The following GMDS variants were observed in gnomAD, a reference collection of about 807,000 sequenced individuals.
The protein encoded by GMDS is GDP-mannose 4,6-dehydratase, also known as GDP-mannose 4,6 dehydratase.
A neutral mutation model predicts 49.9 loss-of-function variants in GMDS; 20 were observed. The observed-to-expected ratio is 0.40, with a 90% CI of 0.28 to 0.58. The LOEUF is 0.58. Among genes scored for constraint, GMDS ranks in the 20% least tolerant of loss-of-function variants. The probability of loss-of-function intolerance (pLI) is 0.42; values close to 1 mark genes in which losing one functional copy is unlikely to be tolerated. For missense variants in GMDS, 362 were observed against 481.4 expected (o/e 0.75, Z 2.32); for synonymous variants, 177 against 178.6 (o/e 0.99, Z 0.07).
intron 9 of GMDS, among the ~76,000 whole-genome samples, chr6:1,723,649 G>C (rs1038233965): frequency 6.6e-6 from 1 of 150,532 alleles, no homozygotes; most frequent in Admixed American, 6.6e-5. Flanking sequence ...CATAGTTATT[G>C]GTTTGAGTGT....
chr6:1,994,645 G>A (rs1288648897), intron 4 of GMDS, among the ~76,000 whole-genome samples: 3 of 151,884 alleles, frequency 2.0e-5, no homozygotes, highest in South Asian at 4.2e-4. Context: ...TCAGAAGTAT[G>A]GGCATATGGT....
intron 7 of GMDS, among the ~76,000 whole-genome samples, chr6:1,925,431 A>C (rs146341463): frequency 1.0e-3 from 152 of 152,302 alleles, no homozygotes; most frequent in African/African-American, 3.5e-3. Flanking sequence ...TCAGAGGTAA[A>C]CTTTATTCAT....
intron 4 of GMDS, among the ~76,000 whole-genome samples, chr6:1,994,073 G>A (rs1766125772): frequency 6.6e-6 from 1 of 152,130 alleles, no homozygotes. Context: ...TGCAAAGGAG[G>A]CATTTAAGAA....
intron 4 of GMDS, among the ~76,000 whole-genome samples, chr6:1,981,715 CA>C (rs1230409917): frequency 6.6e-6 from 1 of 151,690 alleles, no homozygotes; most frequent in African/African-American, 2.4e-5. Context: ...AGAGGTACAA[CA>C]AAAAAAAGAA....
At chr6:1,933,348 C>G (rs539527538) in intron 6 of GMDS, among the ~76,000 whole-genome samples, 6 of 152,262 alleles carry the variant, frequency 3.9e-5, no homozygotes, top group African/African-American at 1.2e-4. Flanking sequence ...GCGTTCATGC[C>G]TTTTTGTGAA....
chr6:2,082,012 A>T (rs142491947), intron 4 of GMDS, among the ~76,000 whole-genome samples: 7 of 152,210 alleles, frequency 4.6e-5, no homozygotes, highest in Non-Finnish European at 1.0e-4. Context: ...CAGGCGATTT[A>T]GCCACAATAG....
At chr6:1,903,178 T>C (rs1190267440) in intron 7 of GMDS, among the ~76,000 whole-genome samples, 1 of 152,238 alleles carries the variant, frequency 6.6e-6, no homozygotes, top group Non-Finnish European at 1.5e-5. Flanking sequence ...TAGTCTTTGA[T>C]GATGTCTTCT....
rs138831456 is a variant in GMDS, at chr6:2,037,901, T to C, written c.346-76935A>G. ...GAAAGAGAAAAGCGGTAAAAATAAATAAATAAATAGATAAATAAGTACTGT... is the reference window on the plus strand; with the variant it reads ...GAAAGAGAAAAGCGGTAAAAATAAACAAATAAATAGATAAATAAGTACTGT... On this transcript the variant is annotated intron_variant, in intron 4 of 10. Coordinates refer to ENST00000380815, the MANE Select transcript of GMDS (RefSeq NM_001500.4). Among the ~76,000 whole-genome samples, 1,468 of 152,168 alleles carry C rather than the reference T, an allele frequency of 9.6e-3. 80 individuals are homozygous for C. The highest frequency in any genetic ancestry group is 0.084 in the Admixed American group (1,283 of 15,256).
intron 1 of GMDS, among the ~76,000 whole-genome samples, chr6:2,219,106 A>C (rs150678158): frequency 6.6e-6 from 1 of 152,190 alleles, no homozygotes. Context: ...GAAAAACAAA[A>C]AAAGAAAGTA....
At chr6:1,687,688 G>A (rs150791449) in intron 9 of GMDS, among the ~76,000 whole-genome samples, 25 of 152,292 alleles carry the variant, frequency 1.6e-4, no homozygotes, top group African/African-American at 5.5e-4. Context: ...AAGAACGTGA[G>A]GGGGGTTCAG....
At chr6:2,127,812 C>T (rs1399519247) in intron 1 of GMDS, among the ~76,000 whole-genome samples, 4 of 152,306 alleles carry the variant, frequency 2.6e-5, no homozygotes, top group Non-Finnish European at 5.9e-5. Flanking sequence ...TGGTGGTTTC[C>T]GCCTCCTCTT....
chr6:1,959,298 T>A (rs1216093936), intron 6 of GMDS, among the ~76,000 whole-genome samples: 3 of 152,222 alleles, frequency 2.0e-5, no homozygotes, highest in African/African-American at 7.2e-5. Flanking sequence ...ATTTGATCAC[T>A]ACACATTGTT....
chr6:1,834,006 T>C (rs954890347), intron 7 of GMDS, among the ~76,000 whole-genome samples: 7 of 152,154 alleles, frequency 4.6e-5, no homozygotes, highest in Non-Finnish European at 7.3e-5. Flanking sequence ...AATCACAAAG[T>C]CAGAGCTTAG....
chr6:2,101,446 T>G (rs1409468605), intron 4 of GMDS, among the ~76,000 whole-genome samples: 1 of 152,010 alleles, frequency 6.6e-6, no homozygotes, highest in African/African-American at 2.4e-5. Flanking sequence ...TGGATTAGTC[T>G]CTGGATCCTG....
intron 4 of GMDS, among the ~76,000 whole-genome samples, chr6:1,988,418 C>G (rs571477665): frequency 2.0e-5 from 3 of 152,018 alleles, no homozygotes; most frequent in Non-Finnish European, 4.4e-5. Flanking sequence ...CCAGCCCAAT[C>G]CCACCCTCAT....
chr6:1,723,621 G>A (rs1766470847), intron 9 of GMDS, among the ~76,000 whole-genome samples: 1 of 145,550 alleles, frequency 6.9e-6, no homozygotes, highest in Non-Finnish European at 1.5e-5. Flanking sequence ...CAGTCATTCC[G>A]AAATGATTCT....
intron 1 of GMDS, among the ~76,000 whole-genome samples, chr6:2,184,734 T>C (rs544096275): frequency 3.5e-4 from 53 of 152,256 alleles, no homozygotes; most frequent in Non-Finnish European, 7.2e-4. Context: ...TAAAAACATA[T>C]AAAATACAAG....
chr6:1,747,676 T>G (rs1767562370), intron 7 of GMDS, among the ~76,000 whole-genome samples: 1 of 152,240 alleles, frequency 6.6e-6, no homozygotes, highest in African/African-American at 2.4e-5. Flanking sequence ...GTTTTCATGA[T>G]GGCAGCCTGG....
At chr6:1,703,295 A>T (rs1185469782) in intron 9 of GMDS, among the ~76,000 whole-genome samples, 2 of 151,952 alleles carry the variant, frequency 1.3e-5, no homozygotes, top group African/African-American at 4.8e-5. Context: ...TTCCTCAGGG[A>T]GAGCAGATGT....
Sources: gnomAD v4.1 joint callset for allele counts (sites outside exome capture counted in the v4.1 genomes callset) on GRCh38, gnomAD v4.1.1 for gene constraint, MANE v1.5 for transcripts, NCBI Gene and HGNC (gene_info 2026-07-23, HGNC 2026-07-21) for gene names.